The following EDNRB variants were observed in gnomAD, a reference collection of about 807,000 sequenced individuals.
EDNRB encodes Hirschsprung disease 2.
EDNRB carries 18 observed loss-of-function variants against 46.4 expected under a neutral mutation model. The ratio of observed to expected loss-of-function variants is 0.39; its 90% confidence interval spans 0.27 to 0.57. EDNRB has a LOEUF of 0.57. Among genes scored for constraint, EDNRB ranks in the 20% least tolerant of loss-of-function variants. The probability of loss-of-function intolerance (pLI) is 0.61; values close to 1 mark genes in which losing one functional copy is unlikely to be tolerated. For synonymous variants in EDNRB, 213 were observed against 204.9 expected, an observed-to-expected ratio of 1.04 and a Z score of -0.34; for missense variants, 434 against 537.5, an observed-to-expected ratio of 0.81 and a Z score of 1.90.
At chr13:77,941,956 A>C (rs1052667820) in intron 1 of EDNRB, among the ~76,000 whole-genome samples, 1 of 152,228 alleles carries the variant, frequency 6.6e-6, no homozygotes, top group South Asian at 2.1e-4. Flanking sequence ...ATTATGAAGC[A>C]GTCTGATAAA....
intron 1 of EDNRB, among the ~76,000 whole-genome samples, chr13:77,938,539 G>A (rs1005815172): frequency 2.0e-5 from 3 of 152,160 alleles, no homozygotes; most frequent in Non-Finnish European, 4.4e-5. Context: ...AAGGGTGAAT[G>A]ACCAAGGCAG....
At chr13:77,968,425 A>G (rs1272714590) in intron 1 of EDNRB, among the ~76,000 whole-genome samples, 1 of 152,160 alleles carries the variant, frequency 6.6e-6, no homozygotes, top group African/African-American at 2.4e-5. Context: ...TCTAGGCCCT[A>G]GTGCTTACAT....
chr13:77,903,230 T>C lies in EDNRB; in HGVS notation c.727A>G (p.Ile243Val). 1 of 1,612,994 alleles carries C rather than the reference T, an allele frequency of 6.2e-7. No homozygotes were observed. Among genetic ancestry groups the C allele is most frequent in the Non-Finnish European group, 8.5e-7 (1 of 1,179,356 alleles). The stretch of plus-strand genomic sequence containing the variant: ...TAACTTCCTTTGTAGTCCATCGTAA[T>C]TATATCAAAACCTATGGCTTCAGGG... ...AVPEAIGFDI[I>V]TMDYKGSYLR... The change falls in exon 3 of 7, where the codon ATT becomes GTT. Residue 243 changes from isoleucine (I) to valine (V), a missense_variant. Ile to Val is a conservative substitution (Grantham distance 29, BLOSUM62 3). Transcript: ENST00000646607.
At chr13:77,933,339 G>A (rs535549433) in intron 1 of EDNRB, among the ~76,000 whole-genome samples, 8 of 152,282 alleles carry the variant, frequency 5.3e-5, no homozygotes, top group Admixed American at 1.3e-4. Flanking sequence ...GGGAGACAGG[G>A]GTGGGGCCGT....
chr13:77,950,076 T>A (rs1382071622), intron 1 of EDNRB, among the ~76,000 whole-genome samples: 1 of 152,182 alleles, frequency 6.6e-6, no homozygotes, highest in Non-Finnish European at 1.5e-5. Context: ...CCCCAAAATG[T>A]GTTGTTTCTC....
At chr13:77,930,503 AC>A (rs1490438944) in intron 1 of EDNRB, among the ~76,000 whole-genome samples, 1 of 152,178 alleles carries the variant, frequency 6.6e-6, no homozygotes, top group Non-Finnish European at 1.5e-5. Flanking sequence ...ATGATATGGA[AC>A]CAAAAATTAG....
intron 3 of EDNRB, 46 bp downstream of exon 3, chr13:77,903,110 T>G: frequency 1.2e-6 from 2 of 1,600,266 alleles, no homozygotes; most frequent in East Asian, 2.2e-5. Flanking sequence ...TAGCTAAATA[T>G]TTATAAGGCA....
At chr13:77,921,646 T>C (rs905559350), upstream of EDNRB, among the ~76,000 whole-genome samples, 1 of 152,248 alleles carries the variant, frequency 6.6e-6, no homozygotes, top group African/African-American at 2.4e-5. Context: ...AACAGTGTTC[T>C]AGACATCAGT....
At chr13:77,961,438 C>G (rs1264033182) in intron 1 of EDNRB, among the ~76,000 whole-genome samples, 3 of 152,210 alleles carry the variant, frequency 2.0e-5, no homozygotes, top group African/African-American at 7.2e-5. Flanking sequence ...GTCTCTCAGA[C>G]TACAGTGCAA....
At chr13:77,907,247 T>A (rs527644491) in intron 1 of EDNRB, among the ~76,000 whole-genome samples, 1 of 152,044 alleles carries the variant, frequency 6.6e-6, no homozygotes, top group South Asian at 2.1e-4. Flanking sequence ...TGCCTTACCC[T>A]AGGTGGGTGG....
intron 1 of EDNRB, among the ~76,000 whole-genome samples, chr13:77,955,845 G>GTATGTATCTATCTATC (rs772011936): frequency 1.4e-5 from 2 of 145,636 alleles, no homozygotes; most frequent in Non-Finnish European, 3.0e-5. Flanking sequence ...ATGTGTGTGT[G>GTATGTATCTATCTATC]TATCTATCTA....
chr13:77,954,038 C>T (rs925360324), intron 1 of EDNRB, among the ~76,000 whole-genome samples: 1 of 152,176 alleles, frequency 6.6e-6, no homozygotes, highest in Admixed American at 6.5e-5. Flanking sequence ...GCAGGCAATG[C>T]TGCCCTATCT....
chr13:77,962,318 A>T (rs1881446029), intron 1 of EDNRB, among the ~76,000 whole-genome samples: 1 of 152,176 alleles, frequency 6.6e-6, no homozygotes, highest in Non-Finnish European at 1.5e-5. Context: ...CCTGGCAGAG[A>T]CACAACAAAA....
At chr13:77,903,028 C>A in intron 3 of EDNRB, 128 bp downstream of exon 3, 3 of 1,005,066 alleles carry the variant, frequency 3.0e-6, no homozygotes, top group Non-Finnish European at 4.5e-6. Flanking sequence ...GTCCTTGGAT[C>A]TATACTCTTA....
chr13:77,936,372 G>C (rs2137659455), intron 1 of EDNRB, among the ~76,000 whole-genome samples: 1 of 152,296 alleles, frequency 6.6e-6, no homozygotes, highest in Admixed American at 6.5e-5. Flanking sequence ...GTTGGCACCA[G>C]AGTTGGGGAG....
In EDNRB at chr13:77,896,731, A is replaced by C; in HGVS notation, c.*1469T>G. The C allele has an allele frequency of 1.4e-6, 2 of 1,388,744 alleles. No homozygotes were observed. The highest frequency in any genetic ancestry group is 3.2e-5 in the South Asian group (2 of 61,576). 86.0% of individuals were successfully genotyped at this position (1,388,744 alleles called of 1,614,324 possible). A position where few individuals can be genotyped will look rare whatever the true frequency, so the allele number is the denominator to read the frequency against. ...AGGCAATGACGAACGTTAGGCTAAG[A>C]ATGGGAATCTGTCCCCATGGGTTTC... On this transcript the variant is annotated 3_prime_UTR_variant, in exon 7 of 7. Coordinates refer to ENST00000646607, the MANE Select transcript of EDNRB (RefSeq NM_001122659.3).
intron 1 of EDNRB, among the ~76,000 whole-genome samples, chr13:77,944,236 G>A (rs1880837676): frequency 6.6e-6 from 1 of 152,030 alleles, no homozygotes; most frequent in South Asian, 2.1e-4. Flanking sequence ...TGCTCTATGG[G>A]GAATATTGCT....
At chr13:77,923,564 AGTT>A (rs902844229), upstream of EDNRB, among the ~76,000 whole-genome samples, 2 of 152,034 alleles carry the variant, frequency 1.3e-5, no homozygotes, top group African/African-American at 4.8e-5. Context: ...CTCTTTGGGG[AGTT>A]GTTATTTCAT....
intron 6 of EDNRB, among the ~76,000 whole-genome samples, chr13:77,898,831 A>G (rs1878776750): frequency 6.6e-6 from 1 of 151,940 alleles, no homozygotes; most frequent in African/African-American, 2.4e-5. Flanking sequence ...TGCTGAGAAG[A>G]TTTAACCTGC....
Sources: allele counts gnomAD v4.1 joint callset (sites outside exome capture counted in the v4.1 genomes callset), GRCh38; gene constraint gnomAD v4.1.1; transcripts MANE v1.5; gene names NCBI Gene and HGNC (gene_info 2026-07-23, HGNC 2026-07-21).